The following RS1 variants were observed in gnomAD, a reference collection of about 807,000 sequenced individuals.
RS1 encodes the protein retinoschisin.
Under a neutral mutation model 20.8 loss-of-function variants are expected in RS1, and 2 were observed. That is an observed-to-expected ratio of 0.10 (90% CI 0.04 to 0.30). RS1 has a LOEUF of 0.30. Among genes scored for constraint, RS1 ranks in the 10% least tolerant of loss-of-function variants. The pLI, the probability that RS1 is intolerant of heterozygous loss-of-function variation, is 1.00. For synonymous variants in RS1, 70 were observed against 75.8 expected, an observed-to-expected ratio of 0.92 and a Z score of 0.40; for missense variants, 151 against 189.8, an observed-to-expected ratio of 0.80 and a Z score of 1.20.
At chrX:18,659,345 G>C (rs1265064294) in intron 1 of RS1, among the ~76,000 whole-genome samples, 1 of 110,628 alleles carries the variant, frequency 9.0e-6, no homozygotes, top group African/African-American at 3.3e-5. Flanking sequence ...TTTGTGGCAG[G>C]CACCTGTAAT....
chrX:18,640,033 G>A lies in RS1; in HGVS notation c.*1971C>T, dbSNP rs1486317397. The A allele has an allele frequency of 9.0e-6, 1 of 111,674 alleles. No individual in the cohort carries two copies. The highest frequency in any genetic ancestry group is 2.8e-4 in the East Asian group (1 of 3,559). 9.2% of individuals were successfully genotyped at this position (111,674 alleles called of 1,213,427 possible). ...GGTTGGGGAGTGTTGGCTGATGGGTGCAGGATTTCTCTTTGGGGTGATAAA... is the reference window on the plus strand; with the variant it reads ...GGTTGGGGAGTGTTGGCTGATGGGTACAGGATTTCTCTTTGGGGTGATAAA... On this transcript the variant is annotated 3_prime_UTR_variant, in exon 6 of 6. Transcript: ENST00000379984.
intron 3 of RS1, among the ~76,000 whole-genome samples, chrX:18,650,818 C>T (rs763347354): frequency 4.5e-5 from 5 of 112,352 alleles, no homozygotes; most frequent in African/African-American, 6.5e-5. Flanking sequence ...TCAGCGTGTG[C>T]GCAGGCCAGT....
At chrX:18,648,286 G>C (rs1927876397) in intron 3 of RS1, among the ~76,000 whole-genome samples, 1 of 109,589 alleles carries the variant, frequency 9.1e-6, no homozygotes, top group African/African-American at 3.3e-5. Flanking sequence ...CCCTGTCCTA[G>C]GCTGCAGTGC....
At chrX:18,658,659 G>A (rs953601683) in intron 1 of RS1, among the ~76,000 whole-genome samples, 19 of 110,757 alleles carry the variant, frequency 1.7e-4, no homozygotes, top group African/African-American at 5.9e-4. Context: ...GTTTTGCTAT[G>A]TTGGCCAGGC....
intron 1 of RS1, among the ~76,000 whole-genome samples, chrX:18,662,751 T>C (rs1402401750): frequency 7.4e-5 from 8 of 108,041 alleles, no homozygotes; most frequent in South Asian, 4.1e-4. Flanking sequence ...CCTCAGCCTC[T>C]TAAGTAGCTG....
At chrX:18,668,793 CAG>C (rs1399593104) in intron 1 of RS1, among the ~76,000 whole-genome samples, 1 of 111,689 alleles carries the variant, frequency 9.0e-6, no homozygotes, top group Non-Finnish European at 1.9e-5. Context: ...TCTTTAGAGA[CAG>C]AAAGTCGATC....
In RS1 at chrX:18,645,260, TG is replaced by T. The variant is rs753464021; in HGVS notation, c.327-636del. On this transcript the variant is annotated intron_variant, in intron 4 of 5. Transcript: ENST00000379984. Reference sequence around the variant, plus strand: ...AATTAGCTTTGTAGGACTTAAGCCCTGGGCCACCTTCTCTTCCTTTTCCAGA... The same window carrying T: ...AATTAGCTTTGTAGGACTTAAGCCCTGGCCACCTTCTCTTCCTTTTCCAGA... Among the ~76,000 whole-genome samples the T allele has an allele frequency of 9.8e-5, 11 of 111,826 alleles. No individual in the cohort carries two copies. The South Asian group carries it at 4.1e-3, about 42-fold the overall frequency.
intron 1 of RS1, among the ~76,000 whole-genome samples, chrX:18,661,743 G>A (rs1467325738): frequency 3.6e-5 from 4 of 111,854 alleles, no homozygotes; most frequent in Non-Finnish European, 7.5e-5. Flanking sequence ...TGATGGCCTG[G>A]GGCTGCCGGC....
chrX:18,653,363 T>C (rs143045694), intron 3 of RS1: 1 of 1,185,568 alleles, frequency 8.4e-7, no homozygotes, highest in Non-Finnish European at 1.1e-6. Flanking sequence ...GCCCGGGCAT[T>C]AGCCAGAGTG....
At chrX:18,659,606 A>G (rs1403750898) in intron 1 of RS1, among the ~76,000 whole-genome samples, 6 of 112,329 alleles carry the variant, frequency 5.3e-5, no homozygotes, top group African/African-American at 1.9e-4. Flanking sequence ...CGTTTCTATC[A>G]TCGCAGAAGG....
chrX:18,643,406 C>A (rs1196312603), intron 5 of RS1, among the ~76,000 whole-genome samples: 1 of 111,006 alleles, frequency 9.0e-6, no homozygotes, highest in East Asian at 2.8e-4. Flanking sequence ...TGTCTTTGAG[C>A]CTATTCAAGT....
chrX:18,641,764 C>A lies in RS1; in HGVS notation c.*240G>T, dbSNP rs1424360942. The A allele has an allele frequency of 2.5e-6, 1 of 400,238 alleles. No homozygotes were observed. The allele number at this position is 400,238 out of a possible 1,213,427, so 33.0% of individuals were successfully genotyped here. On this transcript the variant is annotated 3_prime_UTR_variant, in exon 6 of 6. Coordinates refer to ENST00000379984, the MANE Select transcript of RS1 (RefSeq NM_000330.4). ...CTACTTAGGCTTTTGTAAGAAAATTCGTTTCGGGGACATTTTCTTTGTTCT... is the reference window on the plus strand; with the variant it reads ...CTACTTAGGCTTTTGTAAGAAAATTAGTTTCGGGGACATTTTCTTTGTTCT...
At chrX:18,661,645 G>A (rs930671729) in intron 1 of RS1, among the ~76,000 whole-genome samples, 1 of 111,505 alleles carries the variant, frequency 9.0e-6, no homozygotes. Context: ...GGAGCCAGAA[G>A]GGAGATGCTT....
At chrX:18,649,843 G>T (rs777654379) in intron 3 of RS1, among the ~76,000 whole-genome samples, 155 of 112,141 alleles carry the variant, frequency 1.4e-3, no homozygotes, top group African/African-American at 4.7e-3. Context: ...AGACAAGCCC[G>T]AGCGATCAGG....
intron 1 of RS1, among the ~76,000 whole-genome samples, chrX:18,663,021 A>C (rs1488419588): frequency 1.9e-5 from 2 of 104,375 alleles, no homozygotes; most frequent in Non-Finnish European, 3.9e-5. Context: ...GGTTGGTTCC[A>C]AGAACAATGA....
Position 18,647,350 on chromosome X carries a change from A to G in RS1, c.185-18T>C, listed in dbSNP as rs1445843985. The G allele has an allele frequency of 8.3e-7, 1 of 1,206,396 alleles. No homozygotes were observed. The highest frequency in any genetic ancestry group is 1.1e-6 in the Non-Finnish European group (1 of 891,446). On this transcript the variant is annotated intron_variant, in intron 3 of 5. Transcript: ENST00000379984. ...TGGGCATTCTGGGAAAGGAAAAAGA[A>G]TTCACATTCACACATATCTCAATAC... is the stretch of plus-strand genomic sequence containing the variant.
intron 1 of RS1, among the ~76,000 whole-genome samples, chrX:18,669,487 C>CAAAAAAAAAAAAA (rs386416704): frequency 0.016 from 948 of 58,701 alleles, 45 homozygotes; most frequent in African/African-American, 0.063. Context: ...GTGAAATTCT[C>CAAAAAAAAAAAAA]AAAAAAAAAA....
chrX:18,646,100 G>C lies in RS1; in HGVS notation c.326+1091C>G, dbSNP rs1569229724. On this transcript the variant is annotated intron_variant, in intron 4 of 5. Coordinates refer to ENST00000379984, the MANE Select transcript of RS1 (RefSeq NM_000330.4). ...ACGACAGAACAACAAGGTAGAGTCTGGGCCCCGCATGCCATCAAGCTGCCA... is the reference window on the plus strand; with the variant it reads ...ACGACAGAACAACAAGGTAGAGTCTCGGCCCCGCATGCCATCAAGCTGCCA... The C allele has an allele frequency of 8.3e-7, 1 of 1,211,794 alleles. No individual in the cohort carries two copies. The highest frequency in any genetic ancestry group is 1.1e-6 in the Non-Finnish European group (1 of 895,508).
In RS1 at chrX:18,646,196, G is replaced by A. The variant is rs1319706068; in HGVS notation, c.326+995C>T. The A allele has an allele frequency of 3.5e-6, 4 of 1,136,365 alleles. No individual in the cohort carries two copies. In the African/African-American group the frequency reaches 7.2e-5, roughly 20 times the overall value. 93.6% of individuals were successfully genotyped at this position (1,136,365 alleles called of 1,213,427 possible). Reference sequence around the variant, plus strand: ...AGACAGAGTCTTGCTCTGTCGCCCAGGCTGGTGTGCAGTGGCACACAATCT... The same window carrying A: ...AGACAGAGTCTTGCTCTGTCGCCCAAGCTGGTGTGCAGTGGCACACAATCT... On this transcript the variant is annotated intron_variant, in intron 4 of 5. Transcript: ENST00000379984.
Sources: gnomAD v4.1 joint callset for allele counts (sites outside exome capture counted in the v4.1 genomes callset) on GRCh38, gnomAD v4.1.1 for gene constraint, MANE v1.5 for transcripts, NCBI Gene and HGNC (gene_info 2026-07-23, HGNC 2026-07-21) for gene names.